The following ITPR2 variants were observed in gnomAD, a reference collection of about 807,000 sequenced individuals.
The protein encoded by ITPR2 is inositol 1,4,5-trisphosphate-gated calcium channel ITPR2.
A neutral mutation model predicts 317.1 loss-of-function variants in ITPR2; 207 were observed. That is an observed-to-expected ratio of 0.65 (90% CI 0.58 to 0.73). ITPR2 has a LOEUF of 0.73. ITPR2 is among the 30% of genes least tolerant of loss of function. ITPR2 has a pLI of 0.00. For synonymous variants in ITPR2, 1,156 were observed against 1,149.1 expected, an observed-to-expected ratio of 1.01 and a Z score of -0.12; for missense variants, 2,613 against 3,284.0, an observed-to-expected ratio of 0.80 and a Z score of 4.99.
intron 52 of ITPR2, among the ~76,000 whole-genome samples, chr12:26,409,844 C>T (rs1940481845): frequency 6.6e-6 from 1 of 152,114 alleles, no homozygotes; most frequent in African/African-American, 2.4e-5. Flanking sequence ...GACCTCCTGT[C>T]TATTCACTGG....
chr12:26,820,747 T>C (rs1275718357), intron 1 of ITPR2, among the ~76,000 whole-genome samples: 1 of 152,204 alleles, frequency 6.6e-6, no homozygotes, highest in African/African-American at 2.4e-5. Context: ...AACTGATGAA[T>C]GGATAAACAC....
chr12:26,534,302 A>T (rs1944024407), intron 37 of ITPR2, among the ~76,000 whole-genome samples: 1 of 152,228 alleles, frequency 6.6e-6, no homozygotes, highest in South Asian at 2.1e-4. Context: ...TGTGAATTTC[A>T]TTTTGCTTTC....
intron 35 of ITPR2, among the ~76,000 whole-genome samples, chr12:26,558,832 T>C (rs1331616320): frequency 6.6e-6 from 1 of 152,188 alleles, no homozygotes; most frequent in Non-Finnish European, 1.5e-5. Flanking sequence ...GTTGACACAC[T>C]CACTTAGGTA....
intron 1 of ITPR2, among the ~76,000 whole-genome samples, chr12:26,812,443 G>C (rs7303607): frequency 0.17 from 25,782 of 151,828 alleles, 2,307 homozygotes; most frequent in East Asian, 0.34. Flanking sequence ...GCCGGGCGTG[G>C]TGGCAGGCGC....
At chr12:26,751,182 A>G (rs1269066275) in intron 2 of ITPR2, among the ~76,000 whole-genome samples, 1 of 152,226 alleles carries the variant, frequency 6.6e-6, no homozygotes, top group Non-Finnish European at 1.5e-5. Flanking sequence ...TGGGCAACTC[A>G]GTACTATAGT....
chr12:26,401,757 T>C (rs948506074), intron 52 of ITPR2, among the ~76,000 whole-genome samples: 1 of 152,244 alleles, frequency 6.6e-6, no homozygotes, highest in Non-Finnish European at 1.5e-5. Flanking sequence ...CCTTTGATAC[T>C]TCGTTAAGAA....
rs1951094012 is a variant in ITPR2 at position 26,831,086 on chromosome 12, A to G, written c.92+1604T>C. 6.6e-6 allele frequency among the ~76,000 whole-genome samples: 1 copy of G among 152,158 alleles called. No homozygotes were observed. Among genetic ancestry groups the G allele is most frequent in the South Asian group, 2.1e-4 (1 of 4,820 alleles). On this transcript the variant is annotated intron_variant, in intron 1 of 56. Transcript: ENST00000381340. This position sits in a 1 kb window ranked among gnomAD's most constrained non-coding sequence, Gnocchi z 4.9. Reference sequence around the variant, plus strand: ...CTACATCACACACACACACCTGGAGAGTCTACGGAGGGTGAAGAGCAGCAG... The same window carrying G: ...CTACATCACACACACACACCTGGAGGGTCTACGGAGGGTGAAGAGCAGCAG...
intron 2 of ITPR2, among the ~76,000 whole-genome samples, chr12:26,773,508 G>A (rs951054549): frequency 3.3e-5 from 5 of 152,148 alleles, no homozygotes; most frequent in African/African-American, 4.8e-5. Flanking sequence ...CATGCACCAC[G>A]ATTGTTCCTT....
intron 45 of ITPR2, among the ~76,000 whole-genome samples, chr12:26,458,754 C>T (rs1941946836): frequency 6.6e-6 from 1 of 152,300 alleles, no homozygotes; most frequent in South Asian, 2.1e-4. Context: ...CATTTGTGAG[C>T]CCACTTGCAG....
intron 54 of ITPR2, among the ~76,000 whole-genome samples, chr12:26,390,961 G>A (rs559272865): frequency 5.3e-5 from 8 of 152,218 alleles, no homozygotes; most frequent in Admixed American, 3.9e-4. Context: ...AAACAGGCAC[G>A]TTGCGTTATA....
intron 2 of ITPR2, among the ~76,000 whole-genome samples, chr12:26,786,379 AC>A (rs1486273468): frequency 7.8e-6 from 1 of 128,204 alleles, no homozygotes; most frequent in Non-Finnish European, 1.6e-5. Context: ...TTATCTGCTG[AC>A]CTTCCCTCCA....
chr12:26,783,616 G>T (rs1318405610), intron 2 of ITPR2, among the ~76,000 whole-genome samples: 2 of 151,952 alleles, frequency 1.3e-5, no homozygotes, highest in East Asian at 3.9e-4. Flanking sequence ...AAAAGCAAAA[G>T]AATATAAAAT....
chr12:26,695,428 T>A (rs1214148408), intron 10 of ITPR2, among the ~76,000 whole-genome samples, 178 bp downstream of exon 10: 1 of 152,160 alleles, frequency 6.6e-6, no homozygotes, highest in African/African-American at 2.4e-5. Flanking sequence ...CAAGCACCCA[T>A]AATTGAACAT....
chr12:26,801,299 C>A, intron 1 of ITPR2: 1 of 170,378 alleles, frequency 5.9e-6, no homozygotes, highest in East Asian at 1.4e-4. Flanking sequence ...AACCAACCCC[C>A]AAAATTTGTT....
At chr12:26,608,717 G>A (rs369331761) in intron 26 of ITPR2, among the ~76,000 whole-genome samples, 135 of 152,000 alleles carry the variant, frequency 8.9e-4, no homozygotes, top group African/African-American at 3.0e-3. Flanking sequence ...GTGTGAAGTG[G>A]CAGCCTTGTG....
intron 29 of ITPR2, 46 bp downstream of exon 29, chr12:26,599,941 T>A: frequency 2.7e-6 from 4 of 1,459,170 alleles, no homozygotes; most frequent in Non-Finnish European, 3.8e-6. Flanking sequence ...GAGACAAATT[T>A]GATGCACACT....
chr12:26,645,086 A>G (rs1052585212), intron 21 of ITPR2, among the ~76,000 whole-genome samples: 5 of 151,816 alleles, frequency 3.3e-5, no homozygotes, highest in African/African-American at 7.3e-5. Context: ...CCCTTTCTCA[A>G]TCTTGCTTTC....
At chr12:26,446,412 T>A (rs1399739315) in intron 45 of ITPR2, among the ~76,000 whole-genome samples, 10 of 152,160 alleles carry the variant, frequency 6.6e-5, no homozygotes, top group Non-Finnish European at 2.9e-5. Context: ...ACTCTTTAAA[T>A]CTTACATAAC....
rs1945365306 is a variant in ITPR2, at chr12:26,580,094, T to C, written c.4442A>G (p.Glu1481Gly). ...GCCGCTCACAATATTCATTATTGAC[T>C]CAGTAACACACTTTTCCAAAAAGAT... ...ADIFLEKCVT[E>G]SIMNIVSGFF... The change falls in exon 33 of 57, where the codon GAG (glutamate) becomes GGG (glycine). Residue 1481 changes from glutamate (E) to glycine (G), a missense_variant. By Grantham distance (98) the Glu-to-Gly change is moderately conservative. Around this residue, in one of 9 missense-constraint regions of ITPR2, gnomAD observed 926 missense variants for 1,072.8 expected, o/e 0.86. Transcript: ENST00000381340. 1.9e-6 allele frequency: 3 copies of C among 1,611,376 alleles called. No individual in the cohort carries two copies. The highest frequency in any genetic ancestry group is 2.2e-5 in the East Asian group (1 of 44,844).
Sources: allele counts gnomAD v4.1 joint callset (sites outside exome capture counted in the v4.1 genomes callset), GRCh38; gene constraint gnomAD v4.1.1; regional missense constraint gnomAD v4.1.1; non-coding constraint Gnocchi (gnomAD v3.1); transcripts MANE v1.5; gene names NCBI Gene and HGNC (gene_info 2026-07-23, HGNC 2026-07-21).